Variants in TMEM222 observed in about 807,000 individuals in gnomAD.
The protein encoded by TMEM222 is transmembrane protein 222.
TMEM222 carries 18 observed loss-of-function variants against 25.1 expected under a neutral mutation model. The ratio of observed to expected loss-of-function variants is 0.72; its 90% CI spans 0.50 to 1.06. The LOEUF is 1.06. TMEM222 is among the 50% of genes least tolerant of loss of function. The probability of loss-of-function intolerance (pLI) is 0.00; values close to 1 mark genes in which losing one functional copy is unlikely to be tolerated. For synonymous variants in TMEM222, 131 were observed against 117.9 expected, an observed-to-expected ratio of 1.11 and a Z score of -0.72; for missense variants, 296 against 293.7, an observed-to-expected ratio of 1.01 and a Z score of -0.06.
rs775040820 is a variant in TMEM222 at position 27,335,504 on chromosome 1, G to T, written c.*38G>T. 1.2e-6 allele frequency: 2 copies of T among 1,600,158 alleles called. No homozygotes were observed. The highest frequency in any genetic ancestry group is 3.3e-5 in the Admixed American group (2 of 59,948). On this transcript the variant is annotated 3_prime_UTR_variant, in exon 6 of 6. Coordinates refer to ENST00000374076, the MANE Select transcript of TMEM222 (RefSeq NM_032125.3). ...GGCCCCACACCCACCAGGGTCCCGA[G>T]GAAACAGCCGCCATCCCTTTTGGTT...
intron 3 of TMEM222, chr1:27,332,786 C>G (rs554688462): frequency 2.6e-4 from 130 of 496,474 alleles, no homozygotes; most frequent in African/African-American, 2.2e-3. Context: ...CTGGCTTCCT[C>G]CGGCAGGCAG....
chr1:27,324,625 T>C (rs997056052), intron 1 of TMEM222, among the ~76,000 whole-genome samples: 4 of 152,230 alleles, frequency 2.6e-5, no homozygotes, highest in South Asian at 4.1e-4. Flanking sequence ...TGTTAGTCCA[T>C]TCTTGCACTA....
chr1:27,334,401 T>C, intron 5 of TMEM222, 120 bp downstream of exon 5: 1 of 1,479,828 alleles, frequency 6.8e-7, no homozygotes, highest in South Asian at 1.3e-5. Flanking sequence ...AGATGCCAGT[T>C]GGAGCCGTGG....
chr1:27,322,752 G>C (rs2014237838), intron 1 of TMEM222, among the ~76,000 whole-genome samples: 1 of 152,150 alleles, frequency 6.6e-6, no homozygotes, highest in South Asian at 2.1e-4. Context: ...AATGCTTACT[G>C]GTCGCTTACC....
intron 1 of TMEM222, chr1:27,325,734 T>A: frequency 1.1e-6 from 1 of 890,560 alleles, no homozygotes; most frequent in East Asian, 2.4e-5. Context: ...CCAGCAGATG[T>A]GGATTAGCAA....
chr1:27,328,036 C>T (rs2014394658), intron 1 of TMEM222, among the ~76,000 whole-genome samples: 1 of 152,202 alleles, frequency 6.6e-6, no homozygotes, highest in Non-Finnish European at 1.5e-5. Flanking sequence ...AGCTTATGTT[C>T]TAGTGGAGAG....
At chr1:27,325,775 C>T (rs2014330539) in intron 1 of TMEM222, 3 of 830,420 alleles carry the variant, frequency 3.6e-6, no homozygotes, top group Non-Finnish European at 6.4e-6. Context: ...GCCCCTGTAT[C>T]GTCCACCGCA....
At chr1:27,334,083 C>T (rs375610526) in intron 4 of TMEM222, 29 bp downstream of exon 4, 5 of 1,614,000 alleles carry the variant, frequency 3.1e-6, no homozygotes, top group Non-Finnish European at 4.2e-6. Flanking sequence ...CACCGGCACT[C>T]CCCAGGTGGG....
rs183389660 is a variant in TMEM222 at position 27,336,041 on chromosome 1, C to T, written c.*575C>T. 3.2e-4 allele frequency: 51 copies of T among 158,148 alleles called. No homozygotes were observed. Among genetic ancestry groups the T allele is most frequent in the Non-Finnish European group, 6.2e-4 (44 of 71,234 alleles). 9.8% of individuals were successfully genotyped at this position (158,148 alleles called of 1,614,324 possible). A position where few individuals can be genotyped will look rare whatever the true frequency, so the allele number is the denominator to read the frequency against. ...TCTGGCATCCTCCAGCCCGTGCAGT[C>T]CGCTCTTCACTGTTCCACGGCCTCC... On this transcript the variant is annotated 3_prime_UTR_variant, in exon 6 of 6. Transcript: ENST00000374076.
At chr1:27,327,893 C>T (rs935060319) in intron 1 of TMEM222, among the ~76,000 whole-genome samples, 1 of 152,252 alleles carries the variant, frequency 6.6e-6, no homozygotes, top group Non-Finnish European at 1.5e-5. Context: ...AGGCGTGAGC[C>T]ACAGCACCCA....
rs377496067 is a variant in TMEM222, at chr1:27,335,322, C to A, written c.540-57C>A. 4.7e-5 allele frequency: 73 copies of A among 1,563,298 alleles called. No homozygotes were observed. In the African/African-American group the frequency reaches 8.1e-4, roughly 17 times the overall value. On this transcript the variant is annotated intron_variant, in intron 5 of 5. Coordinates refer to ENST00000374076, the MANE Select transcript of TMEM222 (RefSeq NM_032125.3). ...GTCTGTGGGTGCTCAGGGCTGCGGGCCGCATGCCTGCTCACCAGGCCCTGC... is the reference window on the plus strand; with the variant it reads ...GTCTGTGGGTGCTCAGGGCTGCGGGACGCATGCCTGCTCACCAGGCCCTGC...
chr1:27,322,755 C>G (rs895011682), intron 1 of TMEM222, among the ~76,000 whole-genome samples: 5 of 152,170 alleles, frequency 3.3e-5, no homozygotes, highest in Admixed American at 1.3e-4. Flanking sequence ...GCTTACTGGT[C>G]GCTTACCATA....
At position 27,332,662 on chromosome 1, in the gene TMEM222, T is replaced by C; in HGVS notation, c.311+561T>C. The C allele has an allele frequency of 6.3e-6, 4 of 634,240 alleles. No individual in the cohort carries two copies. The South Asian group carries it at 7.1e-5, about 11-fold the overall frequency. The allele number at this position is 634,240 out of a possible 1,614,324, so 39.3% of individuals were successfully genotyped here. On this transcript the variant is annotated intron_variant, in intron 3 of 5. Transcript: ENST00000374076. ...CTGGTGAGAGTGCCTCAGTCATCAG[T>C]GTCCTCAGGTGACCTGTTGCCCAAG...
Position 27,322,286 on chromosome 1 carries a change from C to A in TMEM222, c.89C>A (p.Ala30Asp). The A allele has an allele frequency of 6.4e-7, 1 of 1,555,240 alleles. No homozygotes were observed. Among genetic ancestry groups the A allele is most frequent in the Non-Finnish European group, 8.7e-7 (1 of 1,148,444 alleles). Reference protein sequence around the residue: ...RMAEVEAPTAAETDMKQYQGS... With the variant: ...RMAEVEAPTADETDMKQYQGS... ...GCGGAAGTGGAGGCGCCGACGGCGG[C>A]CGAGACGGACATGAAGCAATATCAA... The change falls in exon 1 of 6, where the codon GCC becomes GAC. Residue 30 changes from alanine to aspartate, a missense_variant. By Grantham distance (126) the Ala-to-Asp change is moderately radical (BLOSUM62 -2). Coordinates refer to ENST00000374076, the MANE Select transcript of TMEM222 (RefSeq NM_032125.3).
In TMEM222 at chr1:27,335,783, C is replaced by A; in HGVS notation, c.*317C>A. 2.4e-6 allele frequency: 1 copy of A among 410,708 alleles called. No individual in the cohort carries two copies. Among genetic ancestry groups the A allele is most frequent in the Non-Finnish European group, 4.6e-6 (1 of 219,274 alleles). 25.4% of individuals were successfully genotyped at this position (410,708 alleles called of 1,614,324 possible). ...CCCGCCACCACCTGCTGGGGTCCTGCCTCAGCCCAGTGCCCAGTATGGGGA... is the reference window on the plus strand; with the variant it reads ...CCCGCCACCACCTGCTGGGGTCCTGACTCAGCCCAGTGCCCAGTATGGGGA... On this transcript the variant is annotated 3_prime_UTR_variant, in exon 6 of 6. Transcript: ENST00000374076.
chr1:27,330,623 T>C (rs2014455621), intron 1 of TMEM222, 97 bp from the exon 2 acceptor site: 1 of 1,019,338 alleles, frequency 9.8e-7, no homozygotes, highest in African/African-American at 1.6e-5. Flanking sequence ...AACGTAATAT[T>C]CACATGCTTC....
intron 1 of TMEM222, among the ~76,000 whole-genome samples, chr1:27,323,992 G>A (rs2014276727): frequency 6.6e-6 from 1 of 152,194 alleles, no homozygotes; most frequent in South Asian, 2.1e-4. Context: ...AAGAGCACCT[G>A]ATAGTGATGA....
intron 1 of TMEM222, among the ~76,000 whole-genome samples, chr1:27,324,793 G>A (rs935702134): frequency 3.9e-5 from 6 of 152,148 alleles, no homozygotes; most frequent in African/African-American, 1.4e-4. Flanking sequence ...CTCACATGGC[G>A]GGATTAGGAG....
chr1:27,331,126 G>T, intron 2 of TMEM222: 2 of 1,202,750 alleles, frequency 1.7e-6, no homozygotes, highest in Non-Finnish European at 2.1e-6. Flanking sequence ...CACATCTCTG[G>T]ACCTTCAGAA....
Sources: gnomAD v4.1 joint callset for allele counts (sites outside exome capture counted in the v4.1 genomes callset) on GRCh38, gnomAD v4.1.1 for gene constraint, MANE v1.5 for transcripts, NCBI Gene and HGNC (gene_info 2026-07-23, HGNC 2026-07-21) for gene names.